LRMDA: variants seen among roughly 807,000 people sequenced by gnomAD.
LRMDA encodes leucine-rich melanocyte differentiation-associated protein.
Under a neutral mutation model 29.8 loss-of-function variants are expected in LRMDA, and 18 were observed. That is an observed-to-expected ratio of 0.60 (90% CI 0.42 to 0.90). LRMDA has a LOEUF of 0.90. LRMDA is among the 40% of genes least tolerant of loss of function. The pLI is 0.00. For synonymous variants in LRMDA, 125 were observed against 109.4 expected (o/e 1.14, Z -0.89); for missense variants, 273 against 273.9 (o/e 1.00, Z 0.02).
chr10:75,498,669 GA>G (rs1454442435), intron 2 of LRMDA, among the ~76,000 whole-genome samples: 1 of 152,174 alleles, frequency 6.6e-6, no homozygotes, highest in African/African-American at 2.4e-5. Flanking sequence ...GAGGAAAGAT[GA>G]AAGGAATTTA....
intron 5 of LRMDA, among the ~76,000 whole-genome samples, chr10:76,089,731 C>T (rs1391935397): frequency 6.6e-6 from 1 of 152,140 alleles, no homozygotes; most frequent in Admixed American, 6.5e-5. Context: ...ACAACCACAG[C>T]CTCCCTCCCC....
intron 2 of LRMDA, among the ~76,000 whole-genome samples, chr10:75,521,430 C>G (rs942100441): frequency 2.6e-5 from 4 of 152,248 alleles, no homozygotes; most frequent in Non-Finnish European, 4.4e-5. Context: ...CGCCCCTCCC[C>G]CTGCCTGACT....
intron 2 of LRMDA, among the ~76,000 whole-genome samples, chr10:75,907,465 G>A (rs1005832938): frequency 2.0e-5 from 3 of 152,102 alleles, no homozygotes; most frequent in Admixed American, 6.5e-5. Context: ...ATGAATATTT[G>A]GCAGCTGTTC....
At chr10:75,902,116 A>G (rs1449947460) in intron 2 of LRMDA, among the ~76,000 whole-genome samples, 1 of 152,028 alleles carries the variant, frequency 6.6e-6, no homozygotes, top group East Asian at 1.9e-4. Context: ...CTTTGCACAC[A>G]TCCACATGGG....
chr10:75,485,791 C>T (rs1036938243), intron 2 of LRMDA, among the ~76,000 whole-genome samples: 52 of 152,206 alleles, frequency 3.4e-4, no homozygotes, highest in African/African-American at 9.9e-4. Flanking sequence ...TTGGCTAAGC[C>T]GGTCTCAAAC....
chr10:75,702,016 C>G (rs931149561), intron 2 of LRMDA, among the ~76,000 whole-genome samples: 1 of 152,188 alleles, frequency 6.6e-6, no homozygotes, highest in Non-Finnish European at 1.5e-5. Context: ...CCGCTGGGCC[C>G]TTGCACATGC....
intron 6 of LRMDA, among the ~76,000 whole-genome samples, chr10:76,342,584 T>G (rs977851214): frequency 1.3e-5 from 2 of 151,804 alleles, no homozygotes; most frequent in Non-Finnish European, 2.9e-5. Context: ...CAAAAGTTAA[T>G]TTTTTTGAAA....
intron 5 of LRMDA, among the ~76,000 whole-genome samples, chr10:76,288,394 C>A (rs1212456212): frequency 6.6e-6 from 1 of 152,098 alleles, no homozygotes; most frequent in South Asian, 2.1e-4. Context: ...ACCTAAATGC[C>A]CATCAACAGT....
At chr10:76,215,010 A>G (rs562164790) in intron 5 of LRMDA, among the ~76,000 whole-genome samples, 1 of 152,356 alleles carries the variant, frequency 6.6e-6, no homozygotes, top group East Asian at 1.9e-4. Flanking sequence ...AGCTGTTCTT[A>G]CAACCTGCCT....
At chr10:75,464,296 CTG>C (rs1844625978) in intron 2 of LRMDA, among the ~76,000 whole-genome samples, 1 of 152,166 alleles carries the variant, frequency 6.6e-6, no homozygotes, top group Non-Finnish European at 1.5e-5. Context: ...CATGTGCTCA[CTG>C]TGGTGAGAAG....
intron 5 of LRMDA, among the ~76,000 whole-genome samples, chr10:76,205,692 G>A (rs542743881): frequency 1.3e-5 from 2 of 152,256 alleles, no homozygotes; most frequent in South Asian, 4.2e-4. Flanking sequence ...TGAAGGGGAG[G>A]AGGTTGAGGA....
intron 2 of LRMDA, among the ~76,000 whole-genome samples, chr10:75,498,704 G>C (rs575185179): frequency 2.0e-5 from 3 of 152,250 alleles, no homozygotes; most frequent in South Asian, 2.1e-4. Context: ...GACTAAGTGG[G>C]TACACCATAA....
chr10:75,752,932 A>C (rs906250638), intron 2 of LRMDA, among the ~76,000 whole-genome samples: 1 of 152,100 alleles, frequency 6.6e-6, no homozygotes, highest in Non-Finnish European at 1.5e-5. Context: ...ATCTGTGTCC[A>C]CCTACTTTTA....
chr10:75,722,900 G>T (rs966098589), intron 2 of LRMDA, among the ~76,000 whole-genome samples: 2 of 152,110 alleles, frequency 1.3e-5, no homozygotes, highest in Non-Finnish European at 2.9e-5. Flanking sequence ...AACTTATATA[G>T]CCTGGGAGGT....
intron 2 of LRMDA, among the ~76,000 whole-genome samples, chr10:75,488,093 G>A (rs1844937203): frequency 1.3e-5 from 2 of 152,062 alleles, no homozygotes; most frequent in African/African-American, 2.4e-5. Context: ...GGCATAAAAT[G>A]GGGTACTGAA....
intron 2 of LRMDA, among the ~76,000 whole-genome samples, chr10:75,731,919 TA>T (rs1842703934): frequency 3.3e-5 from 5 of 152,252 alleles, no homozygotes; most frequent in Admixed American, 3.3e-4. Context: ...CATTAAATTC[TA>T]ACAGGGATCA....
intron 5 of LRMDA, among the ~76,000 whole-genome samples, chr10:76,202,286 T>C (rs1851448249): frequency 6.6e-6 from 1 of 152,178 alleles, no homozygotes; most frequent in Admixed American, 6.5e-5. Context: ...CAAGTTTTCC[T>C]TTCCTTCCAA....
At chr10:75,811,892 A>C (rs1463200626) in intron 2 of LRMDA, among the ~76,000 whole-genome samples, 1 of 152,178 alleles carries the variant, frequency 6.6e-6, no homozygotes. Context: ...GCTTGTGGAC[A>C]GTGAATTGAA....
At chr10:76,202,907 C>T (rs1851459288) in intron 5 of LRMDA, among the ~76,000 whole-genome samples, 2 of 152,142 alleles carry the variant, frequency 1.3e-5, no homozygotes, top group Non-Finnish European at 2.9e-5. Flanking sequence ...GCGGAGAAAT[C>T]ACCAGCTTAG....
Sources: gnomAD v4.1 joint callset for allele counts (sites outside exome capture counted in the v4.1 genomes callset) on GRCh38, gnomAD v4.1.1 for gene constraint, MANE v1.5 for transcripts, NCBI Gene and HGNC (gene_info 2026-07-23, HGNC 2026-07-21) for gene names.